The following DPF3 variants were observed in gnomAD, a reference collection of about 807,000 sequenced individuals.
DPF3 encodes zinc finger protein DPF3.
A neutral mutation model predicts 56.8 loss-of-function variants in DPF3; 18 were observed. The observed-to-expected ratio is 0.32, with a 90% CI of 0.22 to 0.47. The LOEUF (loss-of-function observed/expected upper bound fraction) is 0.47, where lower values mean the gene tolerates loss of function less well. Among genes scored for constraint, DPF3 ranks in the 20% least tolerant of loss-of-function variants. DPF3 has a pLI of 1.00. For missense variants in DPF3, 403 were observed against 488.8 expected, an observed-to-expected ratio of 0.82 and a Z score of 1.65; for synonymous variants, 188 against 180.2, an observed-to-expected ratio of 1.04 and a Z score of -0.35.
chr14:72,628,705 GAA>G (rs1884985423), intron 9 of DPF3, among the ~76,000 whole-genome samples: 1 of 150,848 alleles, frequency 6.6e-6, no homozygotes, highest in African/African-American at 2.5e-5. Flanking sequence ...GACAGACACA[GAA>G]AAAGAGACAG....
At chr14:72,703,376 G>A (rs1888263138) in intron 6 of DPF3, among the ~76,000 whole-genome samples, 1 of 152,178 alleles carries the variant, frequency 6.6e-6, no homozygotes, top group African/African-American at 2.4e-5. Context: ...TGACCCAAAA[G>A]TCCTGTGTCT....
At chr14:72,756,005 C>CGTGCAT (rs1456416486) in intron 2 of DPF3, among the ~76,000 whole-genome samples, 21 of 152,156 alleles carry the variant, frequency 1.4e-4, no homozygotes, top group African/African-American at 4.6e-4. Context: ...CATATGTGTG[C>CGTGCAT]GTGCATGTGC....
At chr14:72,795,291 A>ATATATATATATATATAT (rs1158510213) in intron 1 of DPF3, among the ~76,000 whole-genome samples, 1 of 122,408 alleles carries the variant, frequency 8.2e-6, no homozygotes, top group Non-Finnish European at 1.7e-5. Context: ...AAAAAAAAAA[A>ATATATATATATATATAT]AAAAATATAT....
chr14:72,693,687 G>A (rs1426226068), intron 6 of DPF3, among the ~76,000 whole-genome samples: 3 of 152,234 alleles, frequency 2.0e-5, no homozygotes, highest in Non-Finnish European at 4.4e-5. Flanking sequence ...CCATGACACA[G>A]ATGAGGCAAG....
At chr14:72,720,607 C>T (rs1181266401) in intron 5 of DPF3, among the ~76,000 whole-genome samples, 3 of 152,226 alleles carry the variant, frequency 2.0e-5, no homozygotes, top group South Asian at 2.1e-4. Context: ...AGCTGAAATA[C>T]GACTTTTCTT....
chr14:72,619,392 T>C lies in DPF3; in HGVS notation c.1067-25A>G, dbSNP rs1011789774. On this transcript the variant is annotated intron_variant, in intron 10 of 10. Coordinates refer to ENST00000556509, the MANE Select transcript of DPF3 (RefSeq NM_001280542.3). ...CCTGCAAGAAATGAGACGGCTTTAG[T>C]AGCAGCCCCTCTGCTAACTCTGGAG... The C allele has an allele frequency of 2.0e-5, 31 of 1,535,652 alleles. No individual in the cohort carries two copies. The African/African-American group carries it at 3.7e-4, about 18-fold the overall frequency.
At chr14:72,762,517 T>C (rs1408359935) in intron 2 of DPF3, among the ~76,000 whole-genome samples, 1 of 149,070 alleles carries the variant, frequency 6.7e-6, no homozygotes, top group Non-Finnish European at 1.5e-5. Context: ...ACACAGAAAA[T>C]CAGATGACAA....
chr14:72,876,557 G>A (rs1320305352), intron 1 of DPF3, among the ~76,000 whole-genome samples: 1 of 152,078 alleles, frequency 6.6e-6, no homozygotes. Flanking sequence ...CTCCCAACCA[G>A]CCAAACAGAT....
chr14:72,816,869 G>T (rs1883310144), intron 1 of DPF3, among the ~76,000 whole-genome samples: 1 of 152,062 alleles, frequency 6.6e-6, no homozygotes, highest in South Asian at 2.1e-4. Flanking sequence ...ATTCCAACTG[G>T]AATATCAAGA....
At chr14:72,883,755 C>T (rs953023608) in intron 1 of DPF3, among the ~76,000 whole-genome samples, 2 of 151,982 alleles carry the variant, frequency 1.3e-5, no homozygotes, top group African/African-American at 4.8e-5. Flanking sequence ...TGATAAAACC[C>T]GATCTCTACT....
Position 72,770,406 on chromosome 14 carries a change from T to C in DPF3, c.193+1327A>G, listed in dbSNP as rs563097940. Among the ~76,000 whole-genome samples, 38 of 152,368 alleles carry C rather than the reference T, an allele frequency of 2.5e-4. 2 individuals are homozygous for C. In the South Asian group the frequency reaches 5.6e-3, roughly 22 times the overall value. The stretch of plus-strand genomic sequence containing the variant: ...CCAGTTGCAATGTAGGGTTCCCATT[T>C]GGATCCTGATTTAAACTACAGGGGG... On this transcript the variant is annotated intron_variant, in intron 2 of 10. Transcript: ENST00000556509.
chr14:72,672,029 C>CCA (rs368797206), intron 8 of DPF3, among the ~76,000 whole-genome samples: 3,246 of 145,686 alleles, frequency 0.022, 68 homozygotes, highest in African/African-American at 0.06. Flanking sequence ...CGTGTGCACA[C>CCA]CACACACACA....
chr14:72,808,418 T>A (rs1203418129), intron 1 of DPF3, among the ~76,000 whole-genome samples: 1 of 152,148 alleles, frequency 6.6e-6, no homozygotes, highest in African/African-American at 2.4e-5. Flanking sequence ...TAAGAGTCAC[T>A]TTGCTGTCCA....
intron 1 of DPF3, among the ~76,000 whole-genome samples, chr14:72,862,206 C>T (rs1284584444): frequency 6.6e-6 from 1 of 151,074 alleles, no homozygotes; most frequent in Non-Finnish European, 1.5e-5. Context: ...AGTTCCCTAA[C>T]CCCCCCTGCA....
chr14:72,858,731 C>CAAAG (rs1392814616), intron 1 of DPF3, among the ~76,000 whole-genome samples: 1 of 152,178 alleles, frequency 6.6e-6, no homozygotes, highest in Non-Finnish European at 1.5e-5. Flanking sequence ...TTTGAACATG[C>CAAAG]AAAGTATTTC....
chr14:72,670,318 A>G (rs1376424227), intron 8 of DPF3: 17 of 986,118 alleles, frequency 1.7e-5, no homozygotes, highest in Non-Finnish European at 2.0e-5. Context: ...GCCAGGAGGA[A>G]AGTGAGGAAA....
chr14:72,714,393 G>A (rs779796528), intron 6 of DPF3, 30 bp downstream of exon 6: 19 of 1,601,938 alleles, frequency 1.2e-5, no homozygotes, highest in East Asian at 2.2e-5. Flanking sequence ...CGCACAGGGA[G>A]GAAGGAAGGT....
At chr14:72,816,653 A>G (rs79351212) in intron 1 of DPF3, among the ~76,000 whole-genome samples, 1 of 152,112 alleles carries the variant, frequency 6.6e-6, no homozygotes, top group East Asian at 1.9e-4. Context: ...AAAAAAAAAA[A>G]GGAAGTAGTA....
chr14:72,887,391 A>T (rs929848705), intron 1 of DPF3, among the ~76,000 whole-genome samples: 1 of 152,194 alleles, frequency 6.6e-6, no homozygotes, highest in African/African-American at 2.4e-5. Flanking sequence ...TAAATGGCCC[A>T]CCACCTGGTC....
Sources: gnomAD v4.1 joint callset for allele counts (sites outside exome capture counted in the v4.1 genomes callset) on GRCh38, gnomAD v4.1.1 for gene constraint, MANE v1.5 for transcripts, NCBI Gene and HGNC (gene_info 2026-07-23, HGNC 2026-07-21) for gene names.